Variants in CDH18 observed in about 807,000 individuals in gnomAD.
The protein encoded by CDH18 is cadherin-18.
Under a neutral mutation model 67.9 loss-of-function variants are expected in CDH18, and 31 were observed. That is an observed-to-expected ratio of 0.46 (90% CI 0.34 to 0.62). The LOEUF is 0.62. CDH18 is among the 20% of genes least tolerant of loss of function. The pLI is 0.01. For synonymous variants in CDH18, 362 were observed against 347.2 expected, an observed-to-expected ratio of 1.04 and a Z score of -0.48; for missense variants, 890 against 975.5, an observed-to-expected ratio of 0.91 and a Z score of 1.17.
chr5:20,513,984 C>T (rs1215729461), intron 1 of CDH18, among the ~76,000 whole-genome samples: 1 of 152,106 alleles, frequency 6.6e-6, no homozygotes, highest in Non-Finnish European at 1.5e-5. Flanking sequence ...TAATAAAATG[C>T]ACTATGATAT....
At chr5:19,778,201 A>G (rs879650102) in intron 3 of CDH18, among the ~76,000 whole-genome samples, 1 of 152,158 alleles carries the variant, frequency 6.6e-6, no homozygotes, top group Non-Finnish European at 1.5e-5. Flanking sequence ...AATTAACCTG[A>G]AAAAGGGCAT....
chr5:20,081,436 C>A (rs1162333545), intron 2 of CDH18, among the ~76,000 whole-genome samples: 2 of 152,110 alleles, frequency 1.3e-5, no homozygotes, highest in Non-Finnish European at 1.5e-5. Context: ...ACCCAGCAAT[C>A]CCTTTACTGA....
intron 9 of CDH18, among the ~76,000 whole-genome samples, chr5:19,530,636 A>T (rs1001102318): frequency 6.7e-6 from 1 of 149,184 alleles, no homozygotes; most frequent in Non-Finnish European, 1.5e-5. Context: ...TCCTGTGTCC[A>T]TGTGTTCTCA....
intron 2 of CDH18, among the ~76,000 whole-genome samples, chr5:20,056,442 T>C (rs1270864610): frequency 1.4e-5 from 2 of 147,874 alleles, no homozygotes; most frequent in African/African-American, 4.9e-5. Context: ...GTTCTCACTT[T>C]ATTTTTTTAT....
chr5:20,252,334 A>G (rs1580589862), intron 2 of CDH18, among the ~76,000 whole-genome samples: 3 of 151,876 alleles, frequency 2.0e-5, no homozygotes, highest in African/African-American at 4.8e-5. Flanking sequence ...CTGGCGACAG[A>G]GCAAGACTCT....
At chr5:19,491,021 C>A (rs750801175) in intron 11 of CDH18, among the ~76,000 whole-genome samples, 1 of 152,166 alleles carries the variant, frequency 6.6e-6, no homozygotes, top group Non-Finnish European at 1.5e-5. Context: ...CAATCTTTTA[C>A]ATTTTAGGGT....
At chr5:20,037,849 AG>A (rs1372883308) in intron 2 of CDH18, among the ~76,000 whole-genome samples, 1 of 152,126 alleles carries the variant, frequency 6.6e-6, no homozygotes, top group Admixed American at 6.5e-5. Flanking sequence ...GAAATAACTA[AG>A]ATCAGAGCAG....
chr5:20,146,815 G>A (rs2126548221), intron 2 of CDH18, among the ~76,000 whole-genome samples: 1 of 152,006 alleles, frequency 6.6e-6, no homozygotes, highest in South Asian at 2.1e-4. Flanking sequence ...ATGTGATTAT[G>A]TGTGTTTTGA....
chr5:20,012,472 T>A (rs983423154), intron 2 of CDH18, among the ~76,000 whole-genome samples: 1 of 151,426 alleles, frequency 6.6e-6, no homozygotes, highest in African/African-American at 2.4e-5. Context: ...TATACATCAA[T>A]TTTGTTGAAG....
Position 19,571,619 on chromosome 5 carries a change from C to T in CDH18, c.1213G>A (p.Val405Ile). 1 of 1,613,984 alleles carries T rather than the reference C, an allele frequency of 6.2e-7. No homozygotes were observed. Among genetic ancestry groups the T allele is most frequent in the Non-Finnish European group, 8.5e-7 (1 of 1,179,912 alleles). Reference protein sequence around the residue: ...NAKIGTVVGTVLAQDPDSTNS... With the variant: ...NAKIGTVVGTILAQDPDSTNS... ...GTACTGTCAGGATCTTGTGCCAAAA[C>T]TGTACCAACGACGGTCCCAATCTTG... The change falls in exon 8 of 13, where the codon GTT becomes ATT. Residue 405 changes from valine (V) to isoleucine (I), a missense_variant. Val to Ile is a conservative substitution (Grantham distance 29). Around this residue, in one of 2 missense-constraint regions of CDH18, gnomAD observed 656 missense variants for 668.1 expected, o/e 0.98. Coordinates refer to ENST00000382275, the MANE Select transcript of CDH18 (RefSeq NM_004934.5).
intron 2 of CDH18, among the ~76,000 whole-genome samples, chr5:20,235,460 G>T (rs559840553): frequency 6.6e-6 from 1 of 152,060 alleles, no homozygotes. Flanking sequence ...TAAAAAGTGG[G>T]CCAAGGTCAT....
At chr5:19,671,069 TAGAC>T (rs1357069734) in intron 5 of CDH18, among the ~76,000 whole-genome samples, 19 of 152,130 alleles carry the variant, frequency 1.2e-4, no homozygotes, top group African/African-American at 4.3e-4. Flanking sequence ...AGTAAGCACT[TAGAC>T]ACCACCTGAA....
At chr5:20,244,471 A>C (rs2126565196) in intron 2 of CDH18, among the ~76,000 whole-genome samples, 1 of 152,054 alleles carries the variant, frequency 6.6e-6, no homozygotes, top group South Asian at 2.1e-4. Flanking sequence ...TATTGAACTA[A>C]CCTCATCATT....
chr5:19,745,449 C>G (rs1028137607), intron 4 of CDH18, among the ~76,000 whole-genome samples: 18 of 152,070 alleles, frequency 1.2e-4, no homozygotes, highest in Non-Finnish European at 7.4e-5. Context: ...CCTTACTTAC[C>G]TTGGAAATAG....
At chr5:19,491,636 C>T (rs954258001) in intron 11 of CDH18, among the ~76,000 whole-genome samples, 3 of 152,076 alleles carry the variant, frequency 2.0e-5, no homozygotes, top group African/African-American at 7.2e-5. Context: ...TGAAAATATC[C>T]CTTATTGTAA....
chr5:20,386,431 C>A (rs2150108233), intron 1 of CDH18, among the ~76,000 whole-genome samples: 1 of 152,194 alleles, frequency 6.6e-6, no homozygotes, highest in Middle Eastern at 3.4e-3. Flanking sequence ...TTTGCATAGT[C>A]TTTTATCCAC....
chr5:20,164,417 GC>G (rs1434497051), intron 2 of CDH18, among the ~76,000 whole-genome samples: 2 of 151,942 alleles, frequency 1.3e-5, no homozygotes, highest in African/African-American at 4.8e-5. Context: ...CTCCCAAGTA[GC>G]CTGGGATTAC....
intron 2 of CDH18, among the ~76,000 whole-genome samples, chr5:19,871,718 T>G (rs1786323358): frequency 6.6e-6 from 1 of 152,182 alleles, no homozygotes; most frequent in Non-Finnish European, 1.5e-5. Flanking sequence ...GAATGTCTTC[T>G]GCATTCAGCC....
chr5:20,296,375 C>T (rs898440690), intron 1 of CDH18, among the ~76,000 whole-genome samples: 3 of 151,748 alleles, frequency 2.0e-5, no homozygotes, highest in Non-Finnish European at 2.9e-5. Context: ...TGCCCTCCTG[C>T]CTCAGCCTCC....
Sources: allele counts gnomAD v4.1 joint callset (sites outside exome capture counted in the v4.1 genomes callset), GRCh38; gene constraint gnomAD v4.1.1; regional missense constraint gnomAD v4.1.1; transcripts MANE v1.5; gene names NCBI Gene and HGNC (gene_info 2026-07-23, HGNC 2026-07-21).